Variants in CDR2 observed in about 807,000 individuals in gnomAD.
CDR2 encodes cerebellar degeneration related protein 2, also known as cerebellar degeneration-related protein 2.
In CDR2, 34 loss-of-function variants were observed where a neutral mutation model predicts 48.4. The observed-to-expected ratio is 0.70, with a 90% CI of 0.53 to 0.94. CDR2 has a LOEUF of 0.94. CDR2 is among the 40% of genes least tolerant of loss of function. The pLI is 0.00. For synonymous variants in CDR2, 240 were observed against 219.7 expected, an observed-to-expected ratio of 1.09 and a Z score of -0.82; for missense variants, 498 against 549.5, an observed-to-expected ratio of 0.91 and a Z score of 0.94.
At chr16:22,365,206 T>C in intron 1 of CDR2, 192 bp from the exon 2 acceptor site, 1 of 523,588 alleles carries the variant, frequency 1.9e-6, no homozygotes, top group Non-Finnish European at 3.4e-6. Context: ...TATTCTCTTA[T>C]GTACCCATAC....
intron 2 of CDR2, among the ~76,000 whole-genome samples, chr16:22,351,522 T>TG (rs1410379507): frequency 6.6e-6 from 1 of 151,904 alleles, no homozygotes; most frequent in Non-Finnish European, 1.5e-5. Context: ...GATCTTAATT[T>TG]GGAAAAAAAA....
rs116377133 is a variant in CDR2 at position 22,369,871 on chromosome 16, G to A, written c.79+4360C>T. On this transcript the variant is annotated intron_variant, in intron 1 of 4. Coordinates refer to ENST00000268383, the MANE Select transcript of CDR2 (RefSeq NM_001802.2). ...AAAGAAAAGGAAATAATATAGTTTC[G>A]AAGCCTTATACACCTGTTCATCTCT... Among the ~76,000 whole-genome samples, 630 of 152,232 alleles carry A rather than the reference G, an allele frequency of 4.1e-3. 4 individuals are homozygous for A. The highest frequency in any genetic ancestry group is 0.014 in the African/African-American group (573 of 41,538).
At chr16:22,372,510 T>G (rs2141856603) in intron 1 of CDR2, among the ~76,000 whole-genome samples, 1 of 152,356 alleles carries the variant, frequency 6.6e-6, no homozygotes, top group Non-Finnish European at 1.5e-5. Flanking sequence ...TTAATGCTTC[T>G]TAAATACAGG....
Position 22,359,221 on chromosome 16 carries a change from G to A in CDR2, c.192+5681C>T, listed in dbSNP as rs757288307. Reference sequence around the variant, plus strand: ...TGGCTCACTGCAACCTCCACCTCCCGGGTTCAAGCAATTCTCTGCCTCAGC... The same window carrying A: ...TGGCTCACTGCAACCTCCACCTCCCAGGTTCAAGCAATTCTCTGCCTCAGC... On this transcript the variant is annotated intron_variant, in intron 2 of 4. Coordinates refer to ENST00000268383, the MANE Select transcript of CDR2 (RefSeq NM_001802.2). 4.9e-4 allele frequency among the ~76,000 whole-genome samples: 75 copies of A among 151,800 alleles called. 1 individual carries two copies. The highest frequency in any genetic ancestry group is 7.9e-4 in the Admixed American group (12 of 15,242).
At chr16:22,349,151 C>A in intron 4 of CDR2, 128 bp downstream of exon 4, 1 of 954,780 alleles carries the variant, frequency 1.0e-6, no homozygotes, top group East Asian at 2.4e-5. Context: ...TGATTTTGTT[C>A]AAACCAATGG....
At chr16:22,361,251 T>C (rs1035774283) in intron 2 of CDR2, among the ~76,000 whole-genome samples, 2 of 152,214 alleles carry the variant, frequency 1.3e-5, no homozygotes, top group East Asian at 3.8e-4. Flanking sequence ...TTATGAAAAT[T>C]CATCAAACTA....
chr16:22,365,107 G>T, intron 1 of CDR2, 93 bp from the exon 2 acceptor site: 2 of 819,812 alleles, frequency 2.4e-6, no homozygotes, highest in Non-Finnish European at 4.0e-6. Flanking sequence ...TGTAGTTTAA[G>T]TCACATCCCA....
intron 1 of CDR2, among the ~76,000 whole-genome samples, chr16:22,369,781 T>A (rs1310425509): frequency 1.3e-5 from 2 of 152,196 alleles, no homozygotes; most frequent in Non-Finnish European, 2.9e-5. Flanking sequence ...CCCAAGAAAG[T>A]TTTCTAAATA....
chr16:22,361,300 T>G lies in CDR2; in HGVS notation c.192+3602A>C, dbSNP rs139621506. On this transcript the variant is annotated intron_variant, in intron 2 of 4. Transcript: ENST00000268383. ...TATGCCCTTTTCTGTAATGTAGATT[T>G]CAATAAAAAGTTTAAGGGAAGGAGA... Among the ~76,000 whole-genome samples, 207 of 152,334 alleles carry G rather than the reference T, an allele frequency of 1.4e-3. 1 individual carries two copies. Among genetic ancestry groups the G allele is most frequent in the African/African-American group, 3.8e-3 (160 of 41,578 alleles).
intron 4 of CDR2, 133 bp from the exon 5 acceptor site, chr16:22,347,956 T>C: frequency 2.4e-6 from 2 of 850,274 alleles, no homozygotes; most frequent in Non-Finnish European, 3.5e-6. Context: ...TCTTTTTTTT[T>C]GAGACGGAGT....
intron 2 of CDR2, among the ~76,000 whole-genome samples, chr16:22,350,792 A>C (rs2048936832): frequency 6.6e-6 from 1 of 152,204 alleles, no homozygotes; most frequent in Non-Finnish European, 1.5e-5. Flanking sequence ...AGACATAACA[A>C]TCCCTTAAGA....
chr16:22,349,315 C>G lies in CDR2; in HGVS notation c.470G>C (p.Ser157Thr), dbSNP rs1478740458. Residue 157 changes from serine to threonine, a missense_variant, in exon 4 of 5, where the codon AGC becomes ACC. Ser to Thr is a moderately conservative substitution (Grantham distance 58). Transcript: ENST00000268383. ...ATACAGCTCCTTCAGACATGCAAAG[C>G]TGGGTGCCGGTTTCTCCTGGTCACA... The part of the protein sequence containing the change: ...GKCDQEKPAP[S>T]FACLKELYDL... 6.2e-7 allele frequency: 1 copy of G among 1,614,086 alleles called. No individual in the cohort carries two copies. Among genetic ancestry groups the G allele is most frequent in the Non-Finnish European group, 8.5e-7 (1 of 1,180,050 alleles).
intron 2 of CDR2, among the ~76,000 whole-genome samples, chr16:22,362,779 G>A (rs905208504): frequency 6.6e-6 from 1 of 152,140 alleles, no homozygotes; most frequent in Non-Finnish European, 1.5e-5. Flanking sequence ...CTAGAGACAC[G>A]GTCTCACTTT....
chr16:22,374,173 G>T, intron 1 of CDR2, 58 bp downstream of exon 1: 2 of 1,143,652 alleles, frequency 1.7e-6, no homozygotes, highest in Non-Finnish European at 2.5e-6. Flanking sequence ...TAACAGTTTC[G>T]CAGCGGGGGC....
chr16:22,365,855 G>A (rs528118262), intron 1 of CDR2, among the ~76,000 whole-genome samples: 1 of 152,172 alleles, frequency 6.6e-6, no homozygotes, highest in Admixed American at 6.5e-5. Context: ...TGATACAGTG[G>A]GAAATGCACT....
Position 22,347,597 on chromosome 16 carries a change from C to T in CDR2, c.733G>A (p.Ala245Thr), listed in dbSNP as rs2048915290. 6.2e-7 allele frequency: 1 copy of T among 1,614,182 alleles called. No individual in the cohort carries two copies. Among genetic ancestry groups the T allele is most frequent in the Non-Finnish European group, 8.5e-7 (1 of 1,180,040 alleles). ...QQLGATGAYR[A>T]RALELEAEVA... Reference sequence around the variant, plus strand: ...TCGGCCTCTAGTTCCAGCGCCCGTGCTCGGTAGGCACCTGTGGCCCCCAGC... The same window carrying T: ...TCGGCCTCTAGTTCCAGCGCCCGTGTTCGGTAGGCACCTGTGGCCCCCAGC... Residue 245 changes from alanine to threonine, a missense_variant, in exon 5 of 5, where the codon GCA (alanine) becomes ACA (threonine). Transcript: ENST00000268383.
intron 1 of CDR2, among the ~76,000 whole-genome samples, chr16:22,366,868 G>A (rs1485326976): frequency 6.6e-6 from 1 of 152,146 alleles, no homozygotes; most frequent in East Asian, 1.9e-4. Flanking sequence ...TGGTGGCTTG[G>A]ACCAGGGTGG....
intron 1 of CDR2, chr16:22,368,853 T>C (rs1310488376): frequency 5.3e-5 from 8 of 152,250 alleles, no homozygotes; most frequent in African/African-American, 1.9e-4. Context: ...TTTGGGTTTT[T>C]ATTGCCTGCT....
At chr16:22,373,614 TG>T (rs1014262871) in intron 1 of CDR2, among the ~76,000 whole-genome samples, 1 of 152,262 alleles carries the variant, frequency 6.6e-6, no homozygotes, top group Non-Finnish European at 1.5e-5. Context: ...GGATAAATGC[TG>T]GGATGGACGC....
Sources: allele counts gnomAD v4.1 joint callset (sites outside exome capture counted in the v4.1 genomes callset), GRCh38; gene constraint gnomAD v4.1.1; transcripts MANE v1.5; gene names NCBI Gene and HGNC (gene_info 2026-07-23, HGNC 2026-07-21).